Variants in KSR2 observed in about 807,000 individuals in gnomAD.
KSR2 encodes kinase suppressor of ras 2.
KSR2 carries 25 observed loss-of-function variants against 107.8 expected under a neutral mutation model. That is an observed-to-expected ratio of 0.23 (90% CI 0.17 to 0.32). The LOEUF (loss-of-function observed/expected upper bound fraction) is 0.32, where lower values mean the gene tolerates loss of function less well. KSR2 is among the 10% of genes least tolerant of loss of function. KSR2 has a pLI of 1.00. For synonymous variants in KSR2, 480 were observed against 507.0 expected (o/e 0.95, Z 0.71); for missense variants, 887 against 1,268.9 (o/e 0.70, Z 4.57).
intron 5 of KSR2, among the ~76,000 whole-genome samples, chr12:117,623,350 T>C (rs1374531692): frequency 1.3e-5 from 2 of 152,202 alleles, no homozygotes; most frequent in African/African-American, 4.8e-5. Context: ...TCATTTACAT[T>C]AGGTATTTCT....
intron 3 of KSR2, among the ~76,000 whole-genome samples, chr12:117,810,058 G>A (rs1443828829): frequency 6.6e-6 from 1 of 152,178 alleles, no homozygotes; most frequent in African/African-American, 2.4e-5. Flanking sequence ...GAGCCCGAAT[G>A]AGCCTTTGCT....
intron 5 of KSR2, among the ~76,000 whole-genome samples, chr12:117,609,706 T>C (rs1004915518): frequency 3.9e-5 from 6 of 152,106 alleles, no homozygotes; most frequent in Admixed American, 6.5e-5. Context: ...CTCTCAAGGG[T>C]CCTTCAAGGG....
At position 117,920,395 on chromosome 12, in the gene KSR2, C is replaced by CTT. The variant is rs138819853; in HGVS notation, c.180+47679_180+47680dup. Among the ~76,000 whole-genome samples, 258 of 141,878 alleles carry CTT rather than the reference C, an allele frequency of 1.8e-3. 3 individuals are homozygous for CTT. Among genetic ancestry groups the CTT allele is most frequent in the Admixed American group, 0.014 (200 of 14,294 alleles). 93.1% of individuals were successfully genotyped at this position (141,878 alleles called of 152,430 possible). A position where few individuals can be genotyped will look rare whatever the true frequency, so the allele number is the denominator to read the frequency against. ...GATTACAGGGCTGAACCACTGTGGT[C>CTT]TTTTTTTTTTTTTTTAACAATTTTA... On this transcript the variant is annotated intron_variant, in intron 1 of 19. Transcript: ENST00000339824.
chr12:117,721,624 G>T (rs887757131), intron 4 of KSR2, among the ~76,000 whole-genome samples: 1 of 152,158 alleles, frequency 6.6e-6, no homozygotes, highest in Non-Finnish European at 1.5e-5. Context: ...GACCACTGCT[G>T]CCTCCTCCCC....
Position 117,601,905 on chromosome 12 carries a change from G to A in KSR2, c.1172-19546C>T, listed in dbSNP as rs75723596. 5.4e-3 allele frequency among the ~76,000 whole-genome samples: 824 copies of A among 152,190 alleles called. 5 individuals carry two copies. The highest frequency in any genetic ancestry group is 0.018 in the African/African-American group (762 of 41,506). ...CTGGCTGGGAAGGATCTAGAGCTAG[G>A]CCCAGCAAACATTTTCAGTACAGTG... On this transcript the variant is annotated intron_variant, in intron 5 of 19. Coordinates refer to ENST00000339824, the MANE Select transcript of KSR2 (RefSeq NM_173598.6).
intron 1 of KSR2, among the ~76,000 whole-genome samples, chr12:117,962,949 C>T (rs1343452547): frequency 6.7e-6 from 1 of 149,838 alleles, no homozygotes; most frequent in East Asian, 2.0e-4. Context: ...CTTTGGGAGG[C>T]TGAGGTGGGC....
intron 1 of KSR2, among the ~76,000 whole-genome samples, chr12:117,956,174 T>C (rs187977836): frequency 0.025 from 3,355 of 133,310 alleles, 44 homozygotes; most frequent in Non-Finnish European, 0.034. Flanking sequence ...GGCATGAACC[T>C]GGGAGGCGGA....
At chr12:117,698,242 T>C (rs1024052047) in intron 4 of KSR2, among the ~76,000 whole-genome samples, 5 of 152,142 alleles carry the variant, frequency 3.3e-5, no homozygotes, top group African/African-American at 1.2e-4. Flanking sequence ...TCTAGGAAAT[T>C]AATATATCTC....
Position 117,907,193 on chromosome 12 carries a change from G to A in KSR2, c.181-46762C>T, listed in dbSNP as rs751635504. On this transcript the variant is annotated intron_variant, in intron 1 of 19. Coordinates refer to ENST00000339824, the MANE Select transcript of KSR2 (RefSeq NM_173598.6). This position sits in a 1 kb window ranked among gnomAD's most constrained non-coding sequence, Gnocchi z 4.3. ...TAAATTACTTGCTTACATGAGCACC[G>A]TAAGTAAGTGACAGCACCAAGATTC... Among the ~76,000 whole-genome samples the A allele has an allele frequency of 1.1e-4, 17 of 152,110 alleles. No homozygotes were observed. The highest frequency in any genetic ancestry group is 1.0e-4 in the Non-Finnish European group (7 of 68,014).
Position 117,455,693 on chromosome 12 carries a change from C to T in KSR2, c.*11506G>A, listed in dbSNP as rs12306943. The stretch of plus-strand genomic sequence containing the variant: ...GGAATGAAGGGACAAGGTTGCTCCA[C>T]GCTGGGCTCTGCTGAGGGTGTAGTG... On this transcript the variant is annotated 3_prime_UTR_variant, in exon 20 of 20. Transcript: ENST00000339824. 0.064 allele frequency: 9,683 copies of T among 152,260 alleles called. 994 individuals carry two copies. Among genetic ancestry groups the T allele is most frequent in the African/African-American group, 0.22 (9,035 of 41,490 alleles). 9.4% of individuals were successfully genotyped at this position (152,260 alleles called of 1,614,324 possible).
At chr12:117,873,369 T>C (rs891190839) in intron 1 of KSR2, among the ~76,000 whole-genome samples, 1 of 148,004 alleles carries the variant, frequency 6.8e-6, no homozygotes. Context: ...AAAAAGGCCA[T>C]GTTCCATATC....
At chr12:117,509,326 C>A (rs1401680655) in intron 14 of KSR2, among the ~76,000 whole-genome samples, 1 of 152,110 alleles carries the variant, frequency 6.6e-6, no homozygotes, top group Non-Finnish European at 1.5e-5. Flanking sequence ...CCTCTGAATG[C>A]CAGGCAAACA....
chr12:117,566,021 C>A (rs761126698), intron 7 of KSR2, among the ~76,000 whole-genome samples: 12 of 152,136 alleles, frequency 7.9e-5, no homozygotes, highest in Non-Finnish European at 1.6e-4. Flanking sequence ...TAGGTAAACT[C>A]ATGTCGTGCC....
In KSR2 at chr12:117,476,586, G is replaced by C. The variant is rs750566399; in HGVS notation, c.2460C>G (p.Asp820Glu). 8 of 1,610,796 alleles carry C rather than the reference G, an allele frequency of 5.0e-6. No individual in the cohort carries two copies. The highest frequency in any genetic ancestry group is 6.8e-6 in the Non-Finnish European group (8 of 1,178,704). The change falls in exon 17 of 20, where the codon GAC (aspartate) becomes GAG (glutamate). Residue 820 changes from aspartate to glutamate, a missense_variant. Transcript: ENST00000339824. Reference sequence around the variant, plus strand: ...GCCAGCCATTCTGGATGCGCAGTTTGTCCTCCCGCCTGGAGAAGCAAAGCA... The same window carrying C: ...GCCAGCCATTCTGGATGCGCAGTTTCTCCTCCCGCCTGGAGAAGCAAAGCA... ...SGVLQAGRRE[D>E]KLRIQNGWLC...
chr12:117,948,595 G>C (rs1349743881), intron 1 of KSR2, among the ~76,000 whole-genome samples: 1 of 152,020 alleles, frequency 6.6e-6, no homozygotes, highest in Non-Finnish European at 1.5e-5. Context: ...TCCAGAAGTA[G>C]ACTATAAATA....
At chr12:117,467,306 G>T in intron 19 of KSR2, 101 bp from the exon 20 acceptor site, 1 of 580,010 alleles carries the variant, frequency 1.7e-6, no homozygotes, top group South Asian at 2.4e-5. Flanking sequence ...GGTGGCTTGA[G>T]ATGAACTGTT....
intron 1 of KSR2, among the ~76,000 whole-genome samples, chr12:117,899,191 G>T (rs1020447948): frequency 1.3e-5 from 2 of 152,122 alleles, no homozygotes; most frequent in Non-Finnish European, 2.9e-5. Context: ...TGTAGATAAA[G>T]GCCTATGACA....
chr12:117,631,889 T>C (rs1009113031), intron 5 of KSR2, among the ~76,000 whole-genome samples: 1 of 152,222 alleles, frequency 6.6e-6, no homozygotes, highest in African/African-American at 2.4e-5. Context: ...AACATTTATT[T>C]TGAGCAGCAA....
chr12:117,600,010 T>C (rs10774942), intron 5 of KSR2, among the ~76,000 whole-genome samples: 57,353 of 152,004 alleles, frequency 0.38, 12,206 homozygotes, highest in African/African-American at 0.58. Context: ...CTGCCACAGG[T>C]TCTACCAGAC....
Sources: gnomAD v4.1 joint callset for allele counts (sites outside exome capture counted in the v4.1 genomes callset) on GRCh38, gnomAD v4.1.1 for gene constraint, Gnocchi (gnomAD v3.1) non-coding constraint, MANE v1.5 for transcripts, NCBI Gene and HGNC (gene_info 2026-07-23, HGNC 2026-07-21) for gene names.